Variants in ADGRV1 observed in about 807,000 individuals in gnomAD.
The protein encoded by ADGRV1 is G-protein coupled receptor 98.
A neutral mutation model predicts 596.2 loss-of-function variants in ADGRV1; 359 were observed. That is an observed-to-expected ratio of 0.60 (90% CI 0.55 to 0.66). The LOEUF (loss-of-function observed/expected upper bound fraction) is 0.66, where lower values mean the gene tolerates loss of function less well. Among genes scored for constraint, ADGRV1 ranks in the 30% least tolerant of loss-of-function variants. The pLI is 0.00. For synonymous variants in ADGRV1, 2,681 were observed against 2,679.2 expected (o/e 1.00, Z -0.02); for missense variants, 7,274 against 7,575.6 (o/e 0.96, Z 1.48).
Position 90,705,388 on chromosome 5 carries a change from T to C in ADGRV1, c.8387-12T>C. 2 of 1,612,004 alleles carry C rather than the reference T, an allele frequency of 1.2e-6. No homozygotes were observed. The highest frequency in any genetic ancestry group is 1.7e-6 in the Non-Finnish European group (2 of 1,178,924). ...GCCAAATCACTGTTAGATTCCTGCC[T>C]GACATTTTTAGGAGTTCCACCAGCC... On this transcript the variant is annotated splice_polypyrimidine_tract_variant and intron_variant, in intron 36 of 89. Coordinates refer to ENST00000405460, the MANE Select transcript of ADGRV1 (RefSeq NM_032119.4).
intron 44 of ADGRV1, 133 bp downstream of exon 44, chr5:90,720,356 G>A (rs1023353437): frequency 1.6e-6 from 1 of 632,254 alleles, no homozygotes; most frequent in Non-Finnish European, 2.6e-6. Context: ...CTCTAGAAAA[G>A]ATAGGTCTAG....
intron 83 of ADGRV1, among the ~76,000 whole-genome samples, chr5:90,888,849 T>G (rs1384140248): frequency 6.6e-6 from 1 of 152,142 alleles, no homozygotes; most frequent in African/African-American, 2.4e-5. Flanking sequence ...CACTGTATTT[T>G]TACTATTCCT....
At chr5:90,966,688 A>T (rs1176367741) in intron 84 of ADGRV1, among the ~76,000 whole-genome samples, 4 of 152,156 alleles carry the variant, frequency 2.6e-5, no homozygotes, top group Admixed American at 2.6e-4. Context: ...CTGAGGAACT[A>T]GTAAATGTTG....
intron 1 of ADGRV1, among the ~76,000 whole-genome samples, chr5:90,597,831 A>G (rs183242729): frequency 4.6e-5 from 7 of 152,210 alleles, no homozygotes; most frequent in Non-Finnish European, 8.8e-5. Flanking sequence ...ATGGTGGGTT[A>G]TTCTTAGAGA....
intron 32 of ADGRV1, among the ~76,000 whole-genome samples, chr5:90,693,429 T>C (rs1350573861): frequency 2.0e-5 from 3 of 152,180 alleles, no homozygotes; most frequent in African/African-American, 7.2e-5. Context: ...ACTGGACTGG[T>C]TTTTAAAGTT....
intron 84 of ADGRV1, among the ~76,000 whole-genome samples, chr5:90,970,577 T>C (rs1432727844): frequency 6.8e-6 from 1 of 146,826 alleles, no homozygotes; most frequent in Non-Finnish European, 1.5e-5. Context: ...CCTCTGCTGC[T>C]GATACCCAGG....
intron 85 of ADGRV1, chr5:91,031,156 A>C: frequency 7.1e-7 from 1 of 1,409,672 alleles, no homozygotes; most frequent in Non-Finnish European, 1.0e-6. Flanking sequence ...AGGTATTAGA[A>C]AAATAATTGT....
At chr5:90,638,026 T>A in intron 11 of ADGRV1, 78 bp downstream of exon 11, 7 of 999,620 alleles carry the variant, frequency 7.0e-6, no homozygotes, top group Non-Finnish European at 1.0e-5. Flanking sequence ...TTTTTTACTC[T>A]TTTTTTTCTA....
At chr5:90,867,980 T>C (rs1015536112) in intron 83 of ADGRV1, among the ~76,000 whole-genome samples, 3 of 152,150 alleles carry the variant, frequency 2.0e-5, no homozygotes, top group African/African-American at 7.2e-5. Context: ...CAGAGGGTCA[T>C]TTTTCAGTAG....
rs535898459 is a variant in ADGRV1, at chr5:90,560,123, A to G, written c.22+1206A>G. On this transcript the variant is annotated intron_variant, in intron 1 of 89. Coordinates refer to ENST00000405460, the MANE Select transcript of ADGRV1 (RefSeq NM_032119.4). ...AATTTTCTGGCTCTGCCATTAACAC[A>G]CAATGACTTCGGACATTCACCCATC... 2.2e-3 allele frequency among the ~76,000 whole-genome samples: 337 copies of G among 152,318 alleles called. 1 individual carries two copies. Among genetic ancestry groups the G allele is most frequent in the African/African-American group, 7.9e-3 (330 of 41,594 alleles).
intron 83 of ADGRV1, among the ~76,000 whole-genome samples, chr5:90,887,222 A>G (rs1010108663): frequency 3.3e-5 from 5 of 152,056 alleles, no homozygotes; most frequent in Non-Finnish European, 7.4e-5. Context: ...CGTGCCTTGG[A>G]ACCTTTGTGG....
chr5:90,715,028 G>A (rs1749902286), intron 42 of ADGRV1, among the ~76,000 whole-genome samples: 1 of 152,180 alleles, frequency 6.6e-6, no homozygotes, highest in African/African-American at 2.4e-5. Flanking sequence ...GATTAATTTG[G>A]ATGGATTTGA....
intron 86 of ADGRV1, among the ~76,000 whole-genome samples, chr5:91,089,606 C>A (rs1790209716): frequency 6.6e-6 from 1 of 152,086 alleles, no homozygotes; most frequent in African/African-American, 2.4e-5. Flanking sequence ...TATTTTCTTG[C>A]ACAATTAGGG....
intron 42 of ADGRV1, among the ~76,000 whole-genome samples, chr5:90,713,589 A>AG (rs1561578275): frequency 6.6e-6 from 1 of 152,194 alleles, no homozygotes; most frequent in African/African-American, 2.4e-5. Context: ...AGGCAGGAGC[A>AG]GGACTTAATG....
intron 42 of ADGRV1, among the ~76,000 whole-genome samples, chr5:90,714,510 A>G (rs1033764840): frequency 4.0e-5 from 6 of 151,768 alleles, no homozygotes; most frequent in Non-Finnish European, 8.8e-5. Context: ...TTTAAATCCT[A>G]CTTTCTTAGG....
intron 87 of ADGRV1, among the ~76,000 whole-genome samples, chr5:91,129,153 T>C (rs1379268377): frequency 1.3e-5 from 2 of 152,246 alleles, no homozygotes; most frequent in African/African-American, 4.8e-5. Context: ...ATTTCCTTTC[T>C]TTGTAAACAA....
intron 85 of ADGRV1, among the ~76,000 whole-genome samples, chr5:90,990,625 C>G (rs187209043): frequency 5.6e-4 from 86 of 152,306 alleles, no homozygotes; most frequent in African/African-American, 1.9e-3. Context: ...TGGGCAGGTA[C>G]CAGTCCACGG....
At chr5:90,962,572 TA>T (rs1413035456) in intron 83 of ADGRV1, among the ~76,000 whole-genome samples, 1 of 152,242 alleles carries the variant, frequency 6.6e-6, no homozygotes, top group Non-Finnish European at 1.5e-5. Flanking sequence ...GGTCTCATTT[TA>T]TTTCTGTCTT....
At chr5:90,618,032 C>A in intron 3 of ADGRV1, 79 bp downstream of exon 3, 15 of 1,125,324 alleles carry the variant, frequency 1.3e-5, no homozygotes, top group Non-Finnish European at 1.9e-5. Flanking sequence ...GCTTAACAAT[C>A]TATCTATCTA....
Sources: allele counts gnomAD v4.1 joint callset (sites outside exome capture counted in the v4.1 genomes callset), GRCh38; gene constraint gnomAD v4.1.1; transcripts MANE v1.5; gene names NCBI Gene and HGNC (gene_info 2026-07-23, HGNC 2026-07-21).